Variants in KCNK5 observed in about 807,000 individuals in gnomAD.
The protein encoded by KCNK5 is potassium channel subfamily K member 5.
A neutral mutation model predicts 32.9 loss-of-function variants in KCNK5; 18 were observed. The observed-to-expected ratio is 0.55, with a 90% CI of 0.38 to 0.81. KCNK5 has a LOEUF of 0.81. Among genes scored for constraint, KCNK5 ranks in the 30% least tolerant of loss-of-function variants. The probability of loss-of-function intolerance (pLI) is 0.00; values close to 1 mark genes in which losing one functional copy is unlikely to be tolerated. For missense variants in KCNK5, 507 were observed against 651.0 expected, an observed-to-expected ratio of 0.78 and a Z score of 2.41; for synonymous variants, 276 against 275.3, an observed-to-expected ratio of 1.00 and a Z score of -0.03.
chr6:39,210,750 G>C (rs1771321452), intron 1 of KCNK5, among the ~76,000 whole-genome samples: 1 of 152,180 alleles, frequency 6.6e-6, no homozygotes, highest in South Asian at 2.1e-4. Flanking sequence ...GGACATGACA[G>C]CAGAAGATGG....
chr6:39,197,191 G>A (rs1438202244), intron 1 of KCNK5, among the ~76,000 whole-genome samples: 1 of 151,360 alleles, frequency 6.6e-6, no homozygotes. Flanking sequence ...AGTGAGGGAT[G>A]GAAACAGAGG....
chr6:39,219,928 C>T (rs967506318), intron 1 of KCNK5, among the ~76,000 whole-genome samples: 2 of 152,180 alleles, frequency 1.3e-5, no homozygotes, highest in Non-Finnish European at 2.9e-5. Context: ...ATGGACGAGT[C>T]CAGAGAGGGA....
intron 1 of KCNK5, among the ~76,000 whole-genome samples, chr6:39,219,156 T>C (rs994626496): frequency 1.3e-5 from 2 of 152,098 alleles, no homozygotes; most frequent in African/African-American, 2.4e-5. Context: ...CTGGGCCTTA[T>C]TTCACAGGGG....
chr6:39,193,729 C>A (rs1386240791), intron 4 of KCNK5, among the ~76,000 whole-genome samples: 1 of 152,202 alleles, frequency 6.6e-6, no homozygotes, highest in Admixed American at 6.5e-5. Context: ...GGCCTCTGAG[C>A]CATGCCTTCA....
intron 1 of KCNK5, among the ~76,000 whole-genome samples, chr6:39,227,887 C>G (rs1771703020): frequency 1.3e-5 from 2 of 152,156 alleles, no homozygotes; most frequent in African/African-American, 4.8e-5. Flanking sequence ...ATCTTTCACC[C>G]TGAGAGCAAG....
intron 1 of KCNK5, among the ~76,000 whole-genome samples, chr6:39,209,009 G>A (rs532502774): frequency 6.6e-6 from 1 of 152,210 alleles, no homozygotes; most frequent in Non-Finnish European, 1.5e-5. Context: ...GAGAAGTGCT[G>A]GAACCCGGGA....
chr6:39,194,502 C>T lies in KCNK5; in HGVS notation c.465+92G>A, dbSNP rs1379927342. On this transcript the variant is annotated intron_variant, in intron 3 of 4. Coordinates refer to ENST00000359534, the MANE Select transcript of KCNK5 (RefSeq NM_003740.4). The surrounding 1 kb of genome is among the most constrained non-coding windows in gnomAD (Gnocchi z 4.7). ...ACTATCCTCTTGCCATCTGTCCTTA[C>T]ACCCTTGGTCCAATTCCTAGAGGCC... 2.7e-6 allele frequency: 4 copies of T among 1,489,824 alleles called. No individual in the cohort carries two copies. Among genetic ancestry groups the T allele is most frequent in the Non-Finnish European group, 3.7e-6 (4 of 1,092,356 alleles). 92.3% of individuals were successfully genotyped at this position (1,489,824 alleles called of 1,614,324 possible).
At chr6:39,195,492 G>A (rs972168861) in intron 2 of KCNK5, among the ~76,000 whole-genome samples, 2 of 152,238 alleles carry the variant, frequency 1.3e-5, no homozygotes, top group Admixed American at 6.5e-5. Flanking sequence ...ACAGAATGGT[G>A]AAAGAGAAGA....
Position 39,194,502 on chromosome 6 carries a change from C to A in KCNK5, c.465+92G>T. On this transcript the variant is annotated intron_variant, in intron 3 of 4. Coordinates refer to ENST00000359534, the MANE Select transcript of KCNK5 (RefSeq NM_003740.4). This position sits in a 1 kb window ranked among gnomAD's most constrained non-coding sequence, Gnocchi z 4.7. ...ACTATCCTCTTGCCATCTGTCCTTA[C>A]ACCCTTGGTCCAATTCCTAGAGGCC... 6.7e-7 allele frequency: 1 copy of A among 1,489,824 alleles called. No homozygotes were observed. The highest frequency in any genetic ancestry group is 9.2e-7 in the Non-Finnish European group (1 of 1,092,356). 92.3% of individuals were successfully genotyped at this position (1,489,824 alleles called of 1,614,324 possible).
chr6:39,228,235 T>C (rs1487385230), intron 1 of KCNK5, among the ~76,000 whole-genome samples: 2 of 152,182 alleles, frequency 1.3e-5, no homozygotes, highest in African/African-American at 4.8e-5. Flanking sequence ...GCGGGTATTA[T>C]TCGTTTGTGC....
chr6:39,199,086 T>C (rs1253643065), intron 1 of KCNK5, among the ~76,000 whole-genome samples: 1 of 152,144 alleles, frequency 6.6e-6, no homozygotes, highest in Non-Finnish European at 1.5e-5. Flanking sequence ...CCTCCTCTTA[T>C]GTTTATTCTA....
At chr6:39,225,596 T>C (rs966628054) in intron 1 of KCNK5, among the ~76,000 whole-genome samples, 2 of 152,192 alleles carry the variant, frequency 1.3e-5, no homozygotes, top group African/African-American at 4.8e-5. Flanking sequence ...TGGACTGATG[T>C]ATTACTTCAG....
chr6:39,206,128 AAG>A (rs1464305414), intron 1 of KCNK5, among the ~76,000 whole-genome samples: 2 of 151,910 alleles, frequency 1.3e-5, no homozygotes, highest in Non-Finnish European at 2.9e-5. Flanking sequence ...AAAGATGGTG[AAG>A]CCAAACAGCA....
intron 1 of KCNK5, among the ~76,000 whole-genome samples, chr6:39,201,663 T>C (rs1771135463): frequency 6.6e-6 from 1 of 152,206 alleles, no homozygotes; most frequent in South Asian, 2.1e-4. Context: ...TGCTTGGTAG[T>C]ACAGAAAGAA....
chr6:39,219,395 T>C (rs1209952543), intron 1 of KCNK5, among the ~76,000 whole-genome samples: 1 of 152,086 alleles, frequency 6.6e-6, no homozygotes, highest in Non-Finnish European at 1.5e-5. Flanking sequence ...GTATAATTAG[T>C]TCCATTTTCA....
chr6:39,215,165 GA>G (rs1771409895), intron 1 of KCNK5, among the ~76,000 whole-genome samples: 2 of 152,178 alleles, frequency 1.3e-5, no homozygotes, highest in Non-Finnish European at 2.9e-5. Flanking sequence ...CTAGAGTCTG[GA>G]AGATGGGGGA....
Position 39,229,152 on chromosome 6 carries a change from C to G in KCNK5, c.-41G>C, listed in dbSNP as rs1435287890. The G allele has an allele frequency of 6.2e-7, 1 of 1,601,210 alleles. No individual in the cohort carries two copies. The highest frequency in any genetic ancestry group is 1.3e-5 in the African/African-American group (1 of 74,486). Reference sequence around the variant, plus strand: ...GCCTCCTAGAGAAAGCCTCTCCTAGCCCCAGCTGCTACCAGTCCGCCCGCC... The same window carrying G: ...GCCTCCTAGAGAAAGCCTCTCCTAGGCCCAGCTGCTACCAGTCCGCCCGCC... On this transcript the variant is annotated 5_prime_UTR_variant, in exon 1 of 5. Coordinates refer to ENST00000359534, the MANE Select transcript of KCNK5 (RefSeq NM_003740.4).
chr6:39,195,232 T>C (rs1032911983), intron 2 of KCNK5, among the ~76,000 whole-genome samples: 2 of 152,208 alleles, frequency 1.3e-5, no homozygotes, highest in African/African-American at 4.8e-5. Flanking sequence ...GAAGAGACGC[T>C]GGACAGGTGA....
intron 1 of KCNK5, among the ~76,000 whole-genome samples, chr6:39,212,407 T>C (rs1019867226): frequency 2.0e-5 from 3 of 152,304 alleles, no homozygotes; most frequent in Admixed American, 6.5e-5. Flanking sequence ...ATCAAGCACA[T>C]CCTACCTGCA....
Sources: gnomAD v4.1 joint callset for allele counts (sites outside exome capture counted in the v4.1 genomes callset) on GRCh38, gnomAD v4.1.1 for gene constraint, Gnocchi (gnomAD v3.1) non-coding constraint, MANE v1.5 for transcripts, NCBI Gene and HGNC (gene_info 2026-07-23, HGNC 2026-07-21) for gene names.